PUM1: variants seen among roughly 807,000 people sequenced by gnomAD.
The protein encoded by PUM1 is pumilio RNA binding family member 1, also known as pumilio homolog 1.
A neutral mutation model predicts 131.8 loss-of-function variants in PUM1; 13 were observed. That is an observed-to-expected ratio of 0.10 (90% CI 0.06 to 0.16). The LOEUF (loss-of-function observed/expected upper bound fraction) is 0.16, where lower values mean the gene tolerates loss of function less well. Among genes scored for constraint, PUM1 ranks in the 10% least tolerant of loss-of-function variants. The probability of loss-of-function intolerance (pLI) is 1.00; values close to 1 mark genes in which losing one functional copy is unlikely to be tolerated. For missense variants in PUM1, 961 were observed against 1,512.4 expected (o/e 0.64, Z 6.05); for synonymous variants, 509 against 556.5 (o/e 0.91, Z 1.20).
chr1:31,042,307 AAAATAAATAAAT>A (rs202126375), intron 2 of PUM1, among the ~76,000 whole-genome samples: 11 of 137,740 alleles, frequency 8.0e-5, no homozygotes, highest in African/African-American at 1.8e-4. Flanking sequence ...CTCTGTATCA[AAAATAAATAAAT>A]AAATAAATAA....
intron 5 of PUM1, among the ~76,000 whole-genome samples, chr1:30,999,606 C>CAAAAAAAAAAAA (rs56936440): frequency 5.6e-5 from 3 of 53,980 alleles, no homozygotes; most frequent in African/African-American, 2.1e-4. Context: ...GACTCTGTCT[C>CAAAAAAAAAAAA]AAAAAAAAAA....
intron 7 of PUM1, among the ~76,000 whole-genome samples, chr1:30,984,521 G>T (rs924696998): frequency 6.6e-6 from 1 of 152,202 alleles, no homozygotes; most frequent in Non-Finnish European, 1.5e-5. Context: ...TAAATGTGAC[G>T]CAGTTAATTA....
At chr1:31,028,337 C>T (rs954056192) in intron 3 of PUM1, among the ~76,000 whole-genome samples, 1 of 149,630 alleles carries the variant, frequency 6.7e-6, no homozygotes, top group African/African-American at 2.5e-5. Flanking sequence ...TAAACAACTT[C>T]CTCAAAAAAA....
Position 30,945,814 on chromosome 1 carries a change from C to T in PUM1, c.2857-331G>A, listed in dbSNP as rs551647643. On this transcript the variant is annotated intron_variant, in intron 17 of 21. Coordinates refer to ENST00000426105, the MANE Select transcript of PUM1 (RefSeq NM_001020658.2). ...TATTTTATTTTTTTTGAGACGGAGT[C>T]TTGCTCTGTTACCCAGGCTAGAGTA... Among the ~76,000 whole-genome samples, 794 of 152,264 alleles carry T rather than the reference C, an allele frequency of 5.2e-3. 5 individuals are homozygous for T. The highest frequency in any genetic ancestry group is 0.018 in the African/African-American group (733 of 41,546).
chr1:30,991,268 A>G (rs1335620760), intron 7 of PUM1, among the ~76,000 whole-genome samples: 1 of 152,188 alleles, frequency 6.6e-6, no homozygotes, highest in Non-Finnish European at 1.5e-5. Flanking sequence ...TGCACGGAGA[A>G]GAGTGTACAC....
chr1:30,956,985 T>A (rs1344719679), intron 14 of PUM1, among the ~76,000 whole-genome samples: 1 of 152,012 alleles, frequency 6.6e-6, no homozygotes, highest in Non-Finnish European at 1.5e-5. Flanking sequence ...TGAACAACAG[T>A]TAATACGCCT....
chr1:31,064,894 T>G (rs1259169417), intron 1 of PUM1, among the ~76,000 whole-genome samples: 1 of 151,050 alleles, frequency 6.6e-6, no homozygotes, highest in Non-Finnish European at 1.5e-5. Context: ...CTAAAACTAG[T>G]ATTGTGTATC....
At chr1:30,952,685 G>GA (rs1639990012) in intron 15 of PUM1, among the ~76,000 whole-genome samples, 2 of 38,290 alleles carry the variant, frequency 5.2e-5, no homozygotes, top group Non-Finnish European at 4.3e-5. Flanking sequence ...GGGGGGGGCG[G>GA]GGGGGGGGCG....
chr1:30,942,062 C>T lies in PUM1; in HGVS notation c.3056G>A (p.Cys1019Tyr). ...AATAGGGAGTGTCTGGTCAGGGAGA[C>T]AGTGCTCCAGGATTCTCTGAATCAC... ...CRVIQRILEH[C>Y]LPDQTLPILE... Residue 1019 changes from cysteine to tyrosine, a missense_variant, in exon 19 of 22, where the codon TGT becomes TAT. By Grantham distance (194) the Cys-to-Tyr change is radical. Coordinates refer to ENST00000426105, the MANE Select transcript of PUM1 (RefSeq NM_001020658.2). 2 of 1,600,422 alleles carry T rather than the reference C, an allele frequency of 1.2e-6. No individual in the cohort carries two copies. Among genetic ancestry groups the T allele is most frequent in the Non-Finnish European group, 1.7e-6 (2 of 1,171,890 alleles).
chr1:30,956,120 A>G (rs1490257828), intron 14 of PUM1, among the ~76,000 whole-genome samples: 1 of 152,240 alleles, frequency 6.6e-6, no homozygotes, highest in Non-Finnish European at 1.5e-5. Context: ...TTTCTGACTC[A>G]GTTTCATCAA....
chr1:30,974,155 G>A (rs1275986119), intron 10 of PUM1, among the ~76,000 whole-genome samples: 1 of 151,640 alleles, frequency 6.6e-6, no homozygotes, highest in Non-Finnish European at 1.5e-5. Flanking sequence ...AATAAAAGAT[G>A]TAGTTTTGCA....
intron 12 of PUM1, among the ~76,000 whole-genome samples, chr1:30,966,701 T>TA (rs892866967): frequency 1.3e-5 from 2 of 152,188 alleles, no homozygotes; most frequent in Non-Finnish European, 2.9e-5. Flanking sequence ...TGTTCTTAAT[T>TA]AAAAAATAAA....
intron 10 of PUM1, among the ~76,000 whole-genome samples, chr1:30,969,029 C>T (rs933915780): frequency 2.6e-5 from 4 of 152,026 alleles, no homozygotes; most frequent in Non-Finnish European, 4.4e-5. Context: ...ACAGGCCAGG[C>T]GTGGTGGCTC....
At chr1:30,977,328 C>T (rs1211738979) in intron 9 of PUM1, among the ~76,000 whole-genome samples, 3 of 152,164 alleles carry the variant, frequency 2.0e-5, no homozygotes, top group Non-Finnish European at 2.9e-5. Context: ...ACCTGTAATA[C>T]ATGTTGGGAG....
chr1:31,011,096 T>G (rs1642596251), intron 3 of PUM1, among the ~76,000 whole-genome samples: 3 of 151,784 alleles, frequency 2.0e-5, no homozygotes, highest in Admixed American at 2.0e-4. Context: ...GGTTTGAAGC[T>G]GCAGTGAGCT....
At chr1:31,060,889 A>G (rs1445092937) in intron 1 of PUM1, among the ~76,000 whole-genome samples, 2 of 138,838 alleles carry the variant, frequency 1.4e-5, no homozygotes, top group African/African-American at 5.5e-5. Context: ...CTGTTTCAGT[A>G]AAAAAAAAAA....
At chr1:30,951,405 G>GT in intron 16 of PUM1, among the ~76,000 whole-genome samples, 1 of 152,182 alleles carries the variant, frequency 6.6e-6, no homozygotes, top group East Asian at 1.9e-4. Flanking sequence ...ACTTGGGAAG[G>GT]TAAAACTTGA....
chr1:30,992,361 A>C (rs1315814529), intron 7 of PUM1, 29 bp downstream of exon 7: 2 of 1,601,912 alleles, frequency 1.2e-6, no homozygotes, highest in Middle Eastern at 3.7e-4. Context: ...GAGGGAGAGT[A>C]GAGAGGGTGA....
intron 5 of PUM1, among the ~76,000 whole-genome samples, chr1:30,997,728 G>A (rs1292249714): frequency 6.6e-6 from 1 of 151,800 alleles, no homozygotes; most frequent in Non-Finnish European, 1.5e-5. Flanking sequence ...TTTTTAAGAC[G>A]GAATCTTGCT....
Sources: allele counts gnomAD v4.1 joint callset (sites outside exome capture counted in the v4.1 genomes callset), GRCh38; gene constraint gnomAD v4.1.1; transcripts MANE v1.5; gene names NCBI Gene and HGNC (gene_info 2026-07-23, HGNC 2026-07-21).